LRRC9: variants seen among roughly 807,000 people sequenced by gnomAD.
The protein encoded by LRRC9 is leucine-rich repeat-containing protein 9.
LRRC9 carries 122 observed loss-of-function variants against 63.2 expected under a neutral mutation model. That is an observed-to-expected ratio of 1.93 (90% CI 1.67 to 2.24). LRRC9 has a LOEUF of 2.24. Ranked by LOEUF, LRRC9 falls within the 30% of genes most tolerant of loss-of-function variation. The pLI is 0.00. For missense variants in LRRC9, 1,071 were observed against 627.7 expected (o/e 1.71, Z -7.55); for synonymous variants, 366 against 213.1 (o/e 1.72, Z -6.25).
intron 23 of LRRC9, 133 bp downstream of exon 23, chr14:60,008,347 C>T (rs1889983626): frequency 4.1e-6 from 2 of 485,468 alleles, no homozygotes; most frequent in Non-Finnish European, 7.3e-6. Context: ...ATCTAGGTCT[C>T]CAAAGCTTAT....
chr14:59,976,158 A>C (rs1355354735), intron 13 of LRRC9, among the ~76,000 whole-genome samples: 1 of 152,258 alleles, frequency 6.6e-6, no homozygotes, highest in Non-Finnish European at 1.5e-5. Context: ...ATCTAGATGC[A>C]GGAAAACACG....
At chr14:59,968,356 G>A (rs960368145) in intron 12 of LRRC9, among the ~76,000 whole-genome samples, 3 of 152,184 alleles carry the variant, frequency 2.0e-5, no homozygotes, top group African/African-American at 7.2e-5. Context: ...GGATGGTGGC[G>A]ATGGTTGCAC....
At chr14:59,953,645 G>A (rs150821111) in intron 8 of LRRC9, among the ~76,000 whole-genome samples, 2,812 of 152,248 alleles carry the variant, frequency 0.018, 48 homozygotes, top group Middle Eastern at 0.051. Context: ...CTTTTGCTGT[G>A]CAGAAGCTCT....
intron 28 of LRRC9, among the ~76,000 whole-genome samples, chr14:60,029,166 AG>A (rs879311045): frequency 6.6e-5 from 10 of 152,132 alleles, no homozygotes; most frequent in Non-Finnish European, 1.2e-4. Context: ...AGATCTTTCC[AG>A]TGACAGCAAC....
Position 59,982,074 on chromosome 14 carries a change from G to T in LRRC9, c.2091+14G>T. 1.5e-6 allele frequency: 1 copy of T among 679,626 alleles called. No individual in the cohort carries two copies. The highest frequency in any genetic ancestry group is 2.7e-5 in the East Asian group (1 of 37,020). 42.1% of individuals were successfully genotyped at this position (679,626 alleles called of 1,614,324 possible). A position where few individuals can be genotyped will look rare whatever the true frequency, so the allele number is the denominator to read the frequency against. On this transcript the variant is annotated intron_variant, in intron 16 of 31. Coordinates refer to ENST00000445360, the Ensembl canonical transcript of LRRC9. ...AGTCATATTGTGGTGAGTATTGTGA[G>T]AAATACAGCTTTGAGACAGGAATCT... is the stretch of plus-strand genomic sequence containing the variant.
At chr14:59,943,807 A>C (rs1882047202) in intron 7 of LRRC9, among the ~76,000 whole-genome samples, 1 of 152,056 alleles carries the variant, frequency 6.6e-6, no homozygotes, top group Non-Finnish European at 1.5e-5. Context: ...TAAATTTCAT[A>C]AGAAAAGACT....
chr14:59,923,834 C>A lies in LRRC9; in HGVS notation c.-34+3951C>A, dbSNP rs1431282082. On this transcript the variant is annotated intron_variant, in intron 1 of 31. Transcript: ENST00000445360. This position sits in a 1 kb window ranked among gnomAD's most constrained non-coding sequence, Gnocchi z 4.2. ...CAGGCGCCTATAGTTCCAGCGACTC[C>A]GAAGGCTGAGGCAGGAGTATGGCGT... Among the ~76,000 whole-genome samples the A allele has an allele frequency of 6.6e-6, 1 of 152,152 alleles. No homozygotes were observed. Among genetic ancestry groups the A allele is most frequent in the South Asian group, 2.1e-4 (1 of 4,810 alleles).
At chr14:59,946,488 TTTTC>T (rs1882412442) in intron 8 of LRRC9, among the ~76,000 whole-genome samples, 1 of 150,994 alleles carries the variant, frequency 6.6e-6, no homozygotes, top group Non-Finnish European at 1.5e-5. Flanking sequence ...GCTTAATCTA[TTTTC>T]TTTTTTTTTG....
rs1295354494 is a variant in LRRC9 at position 60,027,895 on chromosome 14, A to G, written c.3715A>G (p.Ser1239Gly). 2.9e-6 allele frequency: 2 copies of G among 698,962 alleles called. No individual in the cohort carries two copies. The highest frequency in any genetic ancestry group is 5.2e-6 in the Non-Finnish European group (2 of 383,202). The allele number at this position is 698,962 out of a possible 1,614,324, so 43.3% of individuals were successfully genotyped here. Residue 1239 changes from serine (S) to glycine (G), a missense_variant, in exon 28 of 32, where the codon AGC becomes GGC. Ser to Gly is a moderately conservative substitution (Grantham distance 56). Coordinates refer to ENST00000445360, the Ensembl canonical transcript of LRRC9. This position sits in a 1 kb window ranked among gnomAD's most constrained non-coding sequence, Gnocchi z 4.0. The stretch of plus-strand genomic sequence containing the variant: ...TTATCTCTTTTTAGGTAATGAAATC[A>G]GCCAAGTTGAAGGGCTTGACAACTT...
chr14:59,960,163 C>T (rs368522660), intron 9 of LRRC9, 149 bp downstream of exon 9: 1 of 483,314 alleles, frequency 2.1e-6, no homozygotes. Flanking sequence ...AGTACTAGTT[C>T]CTAGTACATA....
At chr14:60,044,306 A>G (rs1311439018) in intron 29 of LRRC9, among the ~76,000 whole-genome samples, 1 of 151,630 alleles carries the variant, frequency 6.6e-6, no homozygotes, top group Admixed American at 6.6e-5. Context: ...TTCTGCTCTG[A>G]TATTTATTAT....
At chr14:60,052,815 GTAGT>G (rs1893991133) in intron 29 of LRRC9, among the ~76,000 whole-genome samples, 1 of 152,188 alleles carries the variant, frequency 6.6e-6, no homozygotes, top group Non-Finnish European at 1.5e-5. Context: ...TGGATTGCCT[GTAGT>G]TAGTGAACAA....
At chr14:60,010,430 T>C (rs1890168984) in intron 23 of LRRC9, among the ~76,000 whole-genome samples, 1 of 146,862 alleles carries the variant, frequency 6.8e-6, no homozygotes, top group African/African-American at 2.5e-5. Context: ...CTAGGCTGCA[T>C]AAAGTATGGG....
intron 22 of LRRC9, among the ~76,000 whole-genome samples, chr14:60,007,734 T>C (rs1221784814): frequency 6.6e-6 from 1 of 152,092 alleles, no homozygotes; most frequent in Non-Finnish European, 1.5e-5. Context: ...ATTGAAATAC[T>C]GCACAAAATA....
At chr14:59,981,453 T>C (rs1368279799) in intron 15 of LRRC9, among the ~76,000 whole-genome samples, 1 of 152,190 alleles carries the variant, frequency 6.6e-6, no homozygotes, top group African/African-American at 2.4e-5. Context: ...TTGCTCTTTG[T>C]TCAAGTTTCT....
At chr14:59,973,968 C>T (rs1314080701) in intron 12 of LRRC9, among the ~76,000 whole-genome samples, 3 of 151,998 alleles carry the variant, frequency 2.0e-5, no homozygotes, top group South Asian at 4.1e-4. Context: ...TTGGACAGAT[C>T]ATATAATCTC....
downstream of LRRC9, among the ~76,000 whole-genome samples, chr14:60,065,784 A>C (rs181779990): frequency 6.6e-6 from 1 of 150,604 alleles, no homozygotes; most frequent in Non-Finnish European, 1.5e-5. Context: ...TTATTTTGCA[A>C]GCAAATGTAT....
chr14:59,977,112 A>G, intron 13 of LRRC9, 113 bp from the exon 14 acceptor site: 1 of 576,234 alleles, frequency 1.7e-6, no homozygotes, highest in Non-Finnish European at 3.0e-6. Flanking sequence ...GAGAGCCAGC[A>G]TCTCTGCCTT....
At chr14:60,008,353 CTTATTTT>C in intron 23 of LRRC9, 139 bp downstream of exon 23, 1 of 490,196 alleles carries the variant, frequency 2.0e-6, no homozygotes, top group Non-Finnish European at 3.6e-6. Flanking sequence ...GTCTCCAAAG[CTTATTTT>C]AGATCTGGGT....
Sources: allele counts gnomAD v4.1 joint callset (sites outside exome capture counted in the v4.1 genomes callset), GRCh38; gene constraint gnomAD v4.1.1; non-coding constraint Gnocchi (gnomAD v3.1); transcripts MANE v1.5; gene names NCBI Gene and HGNC (gene_info 2026-07-23, HGNC 2026-07-21).